LUZP2: variants seen among roughly 807,000 people sequenced by gnomAD.
LUZP2 encodes the protein leucine zipper protein 2.
LUZP2 carries 52 observed loss-of-function variants against 51.6 expected under a neutral mutation model. The ratio of observed to expected loss-of-function variants is 1.01; its 90% confidence interval spans 0.81 to 1.27. LUZP2 has a LOEUF of 1.27. LUZP2 is among the 50% of genes most tolerant of loss of function. LUZP2 has a pLI of 0.00. For missense variants in LUZP2, 436 were observed against 395.4 expected, an observed-to-expected ratio of 1.10 and a Z score of -0.87; for synonymous variants, 154 against 137.3, an observed-to-expected ratio of 1.12 and a Z score of -0.85.
chr11:24,976,294 T>C (rs1855878972), intron 7 of LUZP2, among the ~76,000 whole-genome samples: 1 of 151,934 alleles, frequency 6.6e-6, no homozygotes, highest in Non-Finnish European at 1.5e-5. Flanking sequence ...TGGATCTAAA[T>C]CACAGGTATT....
intron 5 of LUZP2, among the ~76,000 whole-genome samples, chr11:24,790,996 C>A (rs1849390789): frequency 6.6e-6 from 1 of 152,084 alleles, no homozygotes; most frequent in East Asian, 1.9e-4. Context: ...CTGCTCAGAC[C>A]ACTCCAGATA....
intron 7 of LUZP2, among the ~76,000 whole-genome samples, chr11:24,931,199 G>A (rs938820408): frequency 1.3e-5 from 2 of 149,764 alleles, no homozygotes; most frequent in Admixed American, 6.7e-5. Context: ...GACAGAGTGA[G>A]ACTCTGTCTC....
chr11:24,690,551 A>G (rs1857033142), intron 1 of LUZP2, among the ~76,000 whole-genome samples: 1 of 152,154 alleles, frequency 6.6e-6, no homozygotes, highest in Admixed American at 6.6e-5. Context: ...GGTTAAGATT[A>G]CAATTTATTT....
At position 24,656,397 on chromosome 11, in the gene LUZP2, G is replaced by A. The variant is rs1250243882; in HGVS notation, c.63-72772G>A. ...AGTTTAGATAGGTAGATAGAGGCTT[G>A]GTTACCTAAGCCCGTATGGATTATT... On this transcript the variant is annotated intron_variant, in intron 1 of 11. Coordinates refer to ENST00000336930, the MANE Select transcript of LUZP2 (RefSeq NM_001009909.4). 2.0e-5 allele frequency among the ~76,000 whole-genome samples: 3 copies of A among 152,256 alleles called. No individual in the cohort carries two copies. The South Asian group carries it at 6.2e-4, about 32-fold the overall frequency.
chr11:25,014,157 C>T (rs2133962640), intron 9 of LUZP2, among the ~76,000 whole-genome samples: 1 of 152,258 alleles, frequency 6.6e-6, no homozygotes, highest in South Asian at 2.1e-4. Context: ...CATTGTTGGA[C>T]ATTTGGGTTG....
intron 1 of LUZP2, among the ~76,000 whole-genome samples, chr11:24,598,112 AAAAAG>A (rs1364637073): frequency 1.1e-4 from 17 of 152,004 alleles, no homozygotes; most frequent in Non-Finnish European, 2.5e-4. Flanking sequence ...AAAAAAAAAA[AAAAAG>A]AGAGAGACAT....
intron 5 of LUZP2, among the ~76,000 whole-genome samples, chr11:24,838,847 T>A (rs2134195191): frequency 6.6e-6 from 1 of 151,820 alleles, no homozygotes; most frequent in Non-Finnish European, 1.5e-5. Flanking sequence ...AAGAAATGTT[T>A]TTTATACATA....
intron 9 of LUZP2, among the ~76,000 whole-genome samples, chr11:25,039,299 G>A (rs555490288): frequency 1.3e-5 from 2 of 152,204 alleles, no homozygotes; most frequent in South Asian, 4.1e-4. Context: ...AAGGCTTTCA[G>A]GCTGCCAAAA....
At chr11:24,560,362 G>C (rs1269782222) in intron 1 of LUZP2, among the ~76,000 whole-genome samples, 1 of 152,064 alleles carries the variant, frequency 6.6e-6, no homozygotes, top group African/African-American at 2.4e-5. Context: ...TACAAATAAC[G>C]CTTGATGTGA....
intron 9 of LUZP2, among the ~76,000 whole-genome samples, chr11:24,991,828 G>A (rs1421323157): frequency 6.6e-6 from 1 of 151,980 alleles, no homozygotes; most frequent in Non-Finnish European, 1.5e-5. Context: ...TAGTGATGTT[G>A]AGCATTTTTT....
At chr11:24,751,121 T>A (rs1486679) in intron 4 of LUZP2, among the ~76,000 whole-genome samples, 2,470 of 152,020 alleles carry the variant, frequency 0.016, 27 homozygotes, top group Non-Finnish European at 0.02. Flanking sequence ...ATATTTATAT[T>A]GTTACTACCA....
chr11:24,600,547 T>G (rs2133861372), intron 1 of LUZP2, among the ~76,000 whole-genome samples: 1 of 152,278 alleles, frequency 6.6e-6, no homozygotes, highest in Admixed American at 6.5e-5. Context: ...AGCTTGTAAC[T>G]CAGAGACACC....
chr11:24,914,603 T>C (rs1952252747), intron 7 of LUZP2, 65 bp downstream of exon 7: 1 of 1,058,714 alleles, frequency 9.4e-7, no homozygotes, highest in Admixed American at 2.6e-5. Context: ...TCAAAAACAT[T>C]ATTTAGGTTA....
chr11:25,033,753 C>T (rs1460864788), intron 9 of LUZP2, among the ~76,000 whole-genome samples: 5 of 152,058 alleles, frequency 3.3e-5, no homozygotes, highest in African/African-American at 1.2e-4. Flanking sequence ...AAAGACATAA[C>T]TTTATTTCTT....
intron 11 of LUZP2, among the ~76,000 whole-genome samples, chr11:25,077,881 G>A (rs1232615674): frequency 6.6e-6 from 1 of 152,122 alleles, no homozygotes; most frequent in African/African-American, 2.4e-5. Flanking sequence ...AAGCCATGGT[G>A]CCCCTGGGCT....
In LUZP2 at chr11:24,576,604, G is replaced by A. The variant is rs115063007; in HGVS notation, c.62+79299G>A. On this transcript the variant is annotated intron_variant, in intron 1 of 11. Transcript: ENST00000336930. ...AAGATTTGTTAAAGAAAAAACACGC[G>A]TACAGACAGTGCCGAATTGCCAATG... is the stretch of plus-strand genomic sequence containing the variant. Among the ~76,000 whole-genome samples, 562 of 151,896 alleles carry A rather than the reference G, an allele frequency of 3.7e-3. 3 individuals carry two copies. Among genetic ancestry groups the A allele is most frequent in the African/African-American group, 0.013 (542 of 41,488 alleles).
At chr11:24,753,782 A>T (rs1203318764) in intron 4 of LUZP2, among the ~76,000 whole-genome samples, 1 of 152,190 alleles carries the variant, frequency 6.6e-6, no homozygotes, top group Non-Finnish European at 1.5e-5. Flanking sequence ...GCCAGAGATT[A>T]AGCCAAGGGA....
At chr11:24,651,296 A>G (rs894752555) in intron 1 of LUZP2, among the ~76,000 whole-genome samples, 7 of 152,116 alleles carry the variant, frequency 4.6e-5, no homozygotes, top group Admixed American at 6.6e-5. Flanking sequence ...TTGAGAGCTC[A>G]TTAGCTAATT....
At chr11:25,028,321 T>C (rs1019448346) in intron 9 of LUZP2, among the ~76,000 whole-genome samples, 3 of 152,322 alleles carry the variant, frequency 2.0e-5, no homozygotes, top group Non-Finnish European at 4.4e-5. Context: ...TATTTAACTA[T>C]ATTTTTATAC....
Sources: gnomAD v4.1 joint callset for allele counts (sites outside exome capture counted in the v4.1 genomes callset) on GRCh38, gnomAD v4.1.1 for gene constraint, MANE v1.5 for transcripts, NCBI Gene and HGNC (gene_info 2026-07-23, HGNC 2026-07-21) for gene names.